The following CCDC141 variants were observed in gnomAD, a reference collection of about 807,000 sequenced individuals.
CCDC141 encodes coiled-coil domain-containing protein 141.
A neutral mutation model predicts 181.0 loss-of-function variants in CCDC141; 168 were observed. That is an observed-to-expected ratio of 0.93 (90% confidence interval 0.82 to 1.05). The LOEUF (loss-of-function observed/expected upper bound fraction) is 1.05, where lower values mean the gene tolerates loss of function less well. CCDC141 is among the 50% of genes least tolerant of loss of function. The pLI is 0.00. For synonymous variants in CCDC141, 666 were observed against 642.3 expected, an observed-to-expected ratio of 1.04 and a Z score of -0.56; for missense variants, 1,902 against 1,788.5, an observed-to-expected ratio of 1.06 and a Z score of -1.14.
intron 2 of CCDC141, among the ~76,000 whole-genome samples, chr2:178,991,446 G>C (rs1049470892): frequency 6.6e-6 from 1 of 151,652 alleles, no homozygotes; most frequent in Non-Finnish European, 1.5e-5. Flanking sequence ...TTTAACTTTT[G>C]ACATTTTAAA....
rs1239413368 is a variant in CCDC141 at position 178,832,581 on chromosome 2, GATTTA to G, written c.*1587_*1591del. The G allele has an allele frequency of 1.3e-5, 2 of 151,424 alleles. No homozygotes were observed. The highest frequency in any genetic ancestry group is 4.8e-5 in the African/African-American group (2 of 41,246). The allele number at this position is 151,424 out of a possible 1,614,324, so 9.4% of individuals were successfully genotyped here. On this transcript the variant is annotated 3_prime_UTR_variant, in exon 24 of 24. Transcript: ENST00000443758. ...CTATCAAAATTTAGAAGGAAACTGA[GATTTA>G]ATTTTTTAATTAAATTGGATATGCA...
intron 6 of CCDC141, among the ~76,000 whole-genome samples, chr2:178,929,502 T>G (rs74796059): frequency 0.033 from 4,951 of 152,164 alleles, 169 homozygotes; most frequent in East Asian, 0.13. Context: ...AGCTCCTTTT[T>G]TAATAAATAT....
At chr2:178,997,426 AC>A (rs988336435) in intron 2 of CCDC141, among the ~76,000 whole-genome samples, 58 of 152,268 alleles carry the variant, frequency 3.8e-4, no homozygotes, top group African/African-American at 1.4e-3. Flanking sequence ...TCAGCCTGAA[AC>A]ACAAACACAA....
intron 2 of CCDC141, among the ~76,000 whole-genome samples, chr2:179,046,904 CT>C (rs1487824316): frequency 1.3e-5 from 2 of 152,242 alleles, no homozygotes; most frequent in East Asian, 3.9e-4. Flanking sequence ...GAAAAGTCTT[CT>C]AAATTATTTT....
chr2:178,864,298 T>A (rs998836710), intron 17 of CCDC141, among the ~76,000 whole-genome samples: 2 of 152,156 alleles, frequency 1.3e-5, no homozygotes, highest in African/African-American at 4.8e-5. Context: ...GGAAAGACTG[T>A]AAAGGAATAG....
At chr2:178,875,169 A>G (rs1686304349) in intron 12 of CCDC141, 2 of 152,268 alleles carry the variant, frequency 1.3e-5, no homozygotes, top group East Asian at 1.9e-4. Context: ...TGATCCTCCA[A>G]TTTTTTATAC....
At chr2:178,933,440 G>A (rs937793365) in intron 6 of CCDC141, among the ~76,000 whole-genome samples, 1 of 152,174 alleles carries the variant, frequency 6.6e-6, no homozygotes, top group Non-Finnish European at 1.5e-5. Context: ...AGTGTGATGG[G>A]TGGATTTGAG....
chr2:178,867,797 AT>A (rs957530845), intron 16 of CCDC141, among the ~76,000 whole-genome samples: 3 of 152,036 alleles, frequency 2.0e-5, no homozygotes, highest in East Asian at 1.9e-4. Flanking sequence ...CTCTTTAAAA[AT>A]TTTTTTTCAT....
chr2:178,987,565 C>G (rs1352579200), intron 2 of CCDC141, among the ~76,000 whole-genome samples: 1 of 151,408 alleles, frequency 6.6e-6, no homozygotes, highest in Non-Finnish European at 1.5e-5. Flanking sequence ...TCGCAACCTA[C>G]TCATCTGACA....
intron 4 of CCDC141, among the ~76,000 whole-genome samples, chr2:178,970,170 C>T (rs944531254): frequency 5.9e-5 from 9 of 152,140 alleles, no homozygotes; most frequent in African/African-American, 2.2e-4. Context: ...TAGGAAGAAT[C>T]AATATTGTGA....
chr2:179,014,962 A>G (rs2042383270), intron 2 of CCDC141, among the ~76,000 whole-genome samples: 1 of 150,226 alleles, frequency 6.7e-6, no homozygotes, highest in Non-Finnish European at 1.5e-5. Flanking sequence ...CGAAAAAGTT[A>G]CTTACACATT....
intron 4 of CCDC141, among the ~76,000 whole-genome samples, chr2:178,964,805 C>T (rs1381798776): frequency 6.6e-6 from 1 of 152,292 alleles, no homozygotes; most frequent in African/African-American, 2.4e-5. Flanking sequence ...TCAAGAACAT[C>T]TTTACAGTCA....
chr2:178,936,760 T>C (rs1689306766), intron 6 of CCDC141, among the ~76,000 whole-genome samples: 1 of 152,146 alleles, frequency 6.6e-6, no homozygotes, highest in African/African-American at 2.4e-5. Context: ...TTGTGTCTTC[T>C]GTGAATTCTT....
chr2:179,025,000 T>A (rs1332378218), intron 2 of CCDC141, among the ~76,000 whole-genome samples: 1 of 152,150 alleles, frequency 6.6e-6, no homozygotes, highest in African/African-American at 2.4e-5. Context: ...TTTTTTTAAG[T>A]TCCTCAGTTG....
intron 2 of CCDC141, among the ~76,000 whole-genome samples, chr2:179,044,167 A>G (rs1212854066): frequency 6.6e-6 from 1 of 152,238 alleles, no homozygotes; most frequent in African/African-American, 2.4e-5. Context: ...TGACACAAAC[A>G]AATGGAAGAA....
downstream of CCDC141, among the ~76,000 whole-genome samples, chr2:178,828,174 T>C (rs774863458): frequency 5.3e-5 from 8 of 152,102 alleles, no homozygotes; most frequent in African/African-American, 1.2e-4. Context: ...AAAATTGTCA[T>C]GTAGAAACAT....
intron 4 of CCDC141, among the ~76,000 whole-genome samples, chr2:178,963,296 G>A (rs1690485854): frequency 6.6e-6 from 1 of 152,124 alleles, no homozygotes; most frequent in Non-Finnish European, 1.5e-5. Flanking sequence ...GAAGTGAGAA[G>A]AAAGTGAGCT....
chr2:178,961,200 G>A (rs1010253080), intron 5 of CCDC141, 30 bp downstream of exon 5: 2 of 1,546,550 alleles, frequency 1.3e-6, no homozygotes, highest in Non-Finnish European at 1.7e-6. Context: ...AGCTGAGGCT[G>A]GAACATCATC....
intron 2 of CCDC141, among the ~76,000 whole-genome samples, chr2:179,015,300 ATG>A (rs368051425): frequency 0.025 from 613 of 24,726 alleles, 9 homozygotes; most frequent in African/African-American, 0.037. Flanking sequence ...TATCTCATAT[ATG>A]TATCATACAT....
Sources: allele counts gnomAD v4.1 joint callset (sites outside exome capture counted in the v4.1 genomes callset), GRCh38; gene constraint gnomAD v4.1.1; transcripts MANE v1.5; gene names NCBI Gene and HGNC (gene_info 2026-07-23, HGNC 2026-07-21).